The following HSD17B2 variants were observed in gnomAD, a reference collection of about 807,000 sequenced individuals.
The protein encoded by HSD17B2 is hydroxysteroid 17-beta dehydrogenase 2, also known as 17-beta-hydroxysteroid dehydrogenase type 2.
HSD17B2 carries 32 observed loss-of-function variants against 26.9 expected under a neutral mutation model. The ratio of observed to expected loss-of-function variants is 1.19; its 90% CI spans 0.90 to 1.60. The LOEUF is 1.60. Ranked by LOEUF, HSD17B2 falls within the 40% of genes most tolerant of loss-of-function variation. The probability of loss-of-function intolerance (pLI) is 0.00; values close to 1 mark genes in which losing one functional copy is unlikely to be tolerated. For missense variants in HSD17B2, 613 were observed against 468.6 expected (o/e 1.31, Z -2.85); for synonymous variants, 246 against 186.7 (o/e 1.32, Z -2.59).
At chr16:82,079,585 A>G (rs143415537) in intron 3 of HSD17B2, among the ~76,000 whole-genome samples, 1,777 of 152,276 alleles carry the variant, frequency 0.012, 51 homozygotes, top group African/African-American at 0.041. Context: ...ACTGCCACAT[A>G]CAAACTTTTC....
At chr16:82,090,005 G>C (rs1904636899) in intron 3 of HSD17B2, among the ~76,000 whole-genome samples, 2 of 152,148 alleles carry the variant, frequency 1.3e-5, no homozygotes, top group Admixed American at 1.3e-4. Flanking sequence ...AATCTCACCA[G>C]CTTCTAAGCT....
At chr16:82,078,644 A>C (rs112500384) in intron 3 of HSD17B2, among the ~76,000 whole-genome samples, 3,195 of 152,318 alleles carry the variant, frequency 0.021, 104 homozygotes, top group African/African-American at 0.072. Flanking sequence ...TGAGTGGATA[A>C]AGAAAATGTG....
intron 1 of HSD17B2, among the ~76,000 whole-genome samples, chr16:82,054,397 T>G (rs1267929726): frequency 6.6e-6 from 1 of 151,516 alleles, no homozygotes; most frequent in Non-Finnish European, 1.5e-5. Flanking sequence ...CAGGCTGGAG[T>G]GTAGTGGTGT....
chr16:82,072,450 A>G lies in HSD17B2; in HGVS notation c.664+1323A>G, dbSNP rs200297746. On this transcript the variant is annotated intron_variant, in intron 3 of 4. Transcript: ENST00000199936. Reference sequence around the variant, plus strand: ...GCCTCACCTTTCTCATTTCCCTGGAATAGTCTGGTACTTCTGGGAACGTCT... The same window carrying G: ...GCCTCACCTTTCTCATTTCCCTGGAGTAGTCTGGTACTTCTGGGAACGTCT... Among the ~76,000 whole-genome samples the G allele has an allele frequency of 2.7e-4, 41 of 152,298 alleles. No homozygotes were observed. In the East Asian group the frequency reaches 2.9e-3, roughly 11 times the overall value.
chr16:82,058,492 G>A (rs1382539226), intron 1 of HSD17B2, among the ~76,000 whole-genome samples: 2 of 152,114 alleles, frequency 1.3e-5, no homozygotes, highest in African/African-American at 2.4e-5. Context: ...TTTAAAAAAT[G>A]TGCATCTTAC....
intron 1 of HSD17B2, among the ~76,000 whole-genome samples, chr16:82,062,233 G>C (rs1418673963): frequency 6.6e-6 from 1 of 152,100 alleles, no homozygotes; most frequent in Non-Finnish European, 1.5e-5. Flanking sequence ...CTCCAATCTT[G>C]TACAAATGGG....
chr16:82,044,387 C>T (rs1182824654), intron 1 of HSD17B2: 2 of 152,192 alleles, frequency 1.3e-5, no homozygotes, highest in African/African-American at 4.8e-5. Context: ...GGGTCTTAGG[C>T]ATGTGGTAAT....
intron 3 of HSD17B2, among the ~76,000 whole-genome samples, chr16:82,088,698 C>A (rs1452480521): frequency 2.6e-5 from 4 of 152,194 alleles, no homozygotes; most frequent in Non-Finnish European, 4.4e-5. Context: ...GGATTTCAAA[C>A]GCTAAGATTT....
intron 4 of HSD17B2, chr16:82,092,540 G>C (rs1304918530): frequency 2.0e-5 from 3 of 152,164 alleles, no homozygotes; most frequent in African/African-American, 7.2e-5. Flanking sequence ...TTGAAATTTT[G>C]GCTTGAAACA....
chr16:82,057,831 T>A (rs76812769), intron 1 of HSD17B2, among the ~76,000 whole-genome samples: 710 of 152,318 alleles, frequency 4.7e-3, no homozygotes, highest in Non-Finnish European at 7.9e-3. Flanking sequence ...AAACTATCAA[T>A]TATGTCAACT....
At chr16:82,055,587 T>C (rs958019242) in intron 1 of HSD17B2, among the ~76,000 whole-genome samples, 8 of 152,116 alleles carry the variant, frequency 5.3e-5, no homozygotes, top group African/African-American at 1.9e-4. Flanking sequence ...CCAAGTAGAA[T>C]AGAAGGTATG....
At chr16:82,097,977 A>T in intron 4 of HSD17B2, 98 bp from the exon 5 acceptor site, 1 of 1,147,814 alleles carries the variant, frequency 8.7e-7, no homozygotes, top group South Asian at 1.9e-5. Flanking sequence ...AATAAACGTC[A>T]TTTGCAAAGG....
chr16:82,070,515 C>G (rs935372891), intron 2 of HSD17B2, among the ~76,000 whole-genome samples: 3 of 152,240 alleles, frequency 2.0e-5, no homozygotes, highest in Non-Finnish European at 4.4e-5. Flanking sequence ...ACATACAGAG[C>G]CTCCACGTGT....
At chr16:82,080,500 T>C (rs900821601) in intron 3 of HSD17B2, among the ~76,000 whole-genome samples, 1 of 152,124 alleles carries the variant, frequency 6.6e-6, no homozygotes, top group Admixed American at 6.5e-5. Flanking sequence ...GCTGGAAAAG[T>C]CAAGGGAACT....
chr16:82,070,961 C>G lies in HSD17B2; in HGVS notation c.498C>G (p.Asn166Lys). 1 of 1,613,824 alleles carries G rather than the reference C, an allele frequency of 6.2e-7. No individual in the cohort carries two copies. The highest frequency in any genetic ancestry group is 1.1e-5 in the South Asian group (1 of 91,076). ...LQDRGLWAVI[N>K]NAGVLGFPTD... The stretch of plus-strand genomic sequence containing the variant: ...CTCCAGGACTGTGGGCTGTGATCAA[C>G]AATGCTGGGGTGCTTGGCTTTCCAA... Residue 166 changes from asparagine to lysine, a missense_variant, in exon 3 of 5, where the codon AAC becomes AAG. Asn to Lys is a moderately conservative substitution (Grantham distance 94). Coordinates refer to ENST00000199936, the MANE Select transcript of HSD17B2 (RefSeq NM_002153.3).
intron 3 of HSD17B2, chr16:82,090,166 T>C: frequency 1.1e-6 from 1 of 935,472 alleles, no homozygotes; most frequent in Non-Finnish European, 1.3e-6. Flanking sequence ...CGATTACAGG[T>C]GCTGTAGTGG....
chr16:82,075,472 C>T (rs1398522218), intron 3 of HSD17B2, among the ~76,000 whole-genome samples: 1 of 151,868 alleles, frequency 6.6e-6, no homozygotes, highest in African/African-American at 2.4e-5. Context: ...AAGAACAAGA[C>T]TAAGAACAAG....
chr16:82,088,580 G>T (rs540795164), intron 3 of HSD17B2, among the ~76,000 whole-genome samples: 72 of 152,300 alleles, frequency 4.7e-4, no homozygotes, highest in Non-Finnish European at 8.2e-4. Flanking sequence ...GGAGAAGTGA[G>T]AACTCTGGCT....
At position 82,069,699 on chromosome 16, in the gene HSD17B2, C is replaced by T. The variant is rs572902379; in HGVS notation, c.479-1243C>T. The stretch of plus-strand genomic sequence containing the variant: ...ACCAAGAGTTCTCAATCCAACTGCA[C>T]ATTAGAATCATTTGAAAATTACCTA... On this transcript the variant is annotated intron_variant, in intron 2 of 4. Transcript: ENST00000199936. 3.9e-5 allele frequency among the ~76,000 whole-genome samples: 6 copies of T among 152,322 alleles called. No individual in the cohort carries two copies. The East Asian group carries it at 1.2e-3, about 29-fold the overall frequency.
Sources: gnomAD v4.1 joint callset for allele counts (sites outside exome capture counted in the v4.1 genomes callset) on GRCh38, gnomAD v4.1.1 for gene constraint, MANE v1.5 for transcripts, NCBI Gene and HGNC (gene_info 2026-07-23, HGNC 2026-07-21) for gene names.